BTBD9: variants seen among roughly 807,000 people sequenced by gnomAD.
BTBD9 encodes the protein BTB domain containing 9, also known as BTB/POZ domain-containing protein 9.
A neutral mutation model predicts 64.3 loss-of-function variants in BTBD9; 49 were observed. That is an observed-to-expected ratio of 0.76 (90% CI 0.61 to 0.97). BTBD9 has a LOEUF of 0.97. BTBD9 is among the 50% of genes least tolerant of loss of function. The pLI, the probability that BTBD9 is intolerant of heterozygous loss-of-function variation, is 0.00. For synonymous variants in BTBD9, 260 were observed against 274.7 expected (o/e 0.95, Z 0.53); for missense variants, 598 against 762.1 (o/e 0.78, Z 2.53).
intron 8 of BTBD9, among the ~76,000 whole-genome samples, chr6:38,287,515 ATACT>A: frequency 6.6e-6 from 1 of 152,280 alleles, no homozygotes; most frequent in East Asian, 1.9e-4. Context: ...AGATACACAA[ATACT>A]TACCACTGTG....
intron 1 of BTBD9, among the ~76,000 whole-genome samples, chr6:38,609,551 G>A (rs1777541971): frequency 6.6e-6 from 1 of 151,954 alleles, no homozygotes. Context: ...TACAGTGTGG[G>A]AGAATAAAAT....
At chr6:38,577,227 C>A (rs1356508836) in intron 6 of BTBD9, among the ~76,000 whole-genome samples, 1 of 152,196 alleles carries the variant, frequency 6.6e-6, no homozygotes, top group Non-Finnish European at 1.5e-5. Flanking sequence ...TTTCTCATGG[C>A]TTTCATAAGA....
intron 7 of BTBD9, among the ~76,000 whole-genome samples, chr6:38,318,741 G>T (rs1763120677): frequency 6.6e-6 from 1 of 152,192 alleles, no homozygotes; most frequent in African/African-American, 2.4e-5. Flanking sequence ...ACTGGGTCTT[G>T]CCCAAGGACC....
chr6:38,364,990 G>A (rs1444532932), intron 6 of BTBD9, among the ~76,000 whole-genome samples: 2 of 152,132 alleles, frequency 1.3e-5, no homozygotes, highest in African/African-American at 4.8e-5. Context: ...CAAAGTGCTT[G>A]GGGGAGACTG....
At chr6:38,195,801 C>G (rs1023583054) in intron 9 of BTBD9, among the ~76,000 whole-genome samples, 1 of 152,088 alleles carries the variant, frequency 6.6e-6, no homozygotes, top group Non-Finnish European at 1.5e-5. Flanking sequence ...CACACATGTG[C>G]AGAACTATAC....
At chr6:38,476,288 A>ATCT (rs1381269930) in intron 6 of BTBD9, among the ~76,000 whole-genome samples, 2 of 152,226 alleles carry the variant, frequency 1.3e-5, no homozygotes, top group Non-Finnish European at 2.9e-5. Context: ...GTAAGGCTAC[A>ATCT]TCTTCCCTTC....
rs1358534608 is a variant in BTBD9, at chr6:38,260,968, T to C, written c.1455-4452A>G. Reference sequence around the variant, plus strand: ...TTTTTTTTCTTTGGAAACAGGGTTTTGCTTTGTTGCCCAGGCTGCAGAATG... The same window carrying C: ...TTTTTTTTCTTTGGAAACAGGGTTTCGCTTTGTTGCCCAGGCTGCAGAATG... On this transcript the variant is annotated intron_variant, in intron 8 of 10. Coordinates refer to ENST00000481247, the MANE Select transcript of BTBD9 (RefSeq NM_001099272.2). 2.6e-4 allele frequency among the ~76,000 whole-genome samples: 40 copies of C among 152,190 alleles called. 1 individual carries two copies. The highest frequency in any genetic ancestry group is 2.6e-3 in the Admixed American group (40 of 15,280).
intron 6 of BTBD9, among the ~76,000 whole-genome samples, chr6:38,483,592 G>C (rs1425311272): frequency 6.6e-6 from 1 of 151,936 alleles, no homozygotes. Context: ...GTAGGACATG[G>C]CTCCTGTCTA....
chr6:38,563,573 A>G (rs145834291), intron 6 of BTBD9, among the ~76,000 whole-genome samples: 76 of 152,198 alleles, frequency 5.0e-4, no homozygotes, highest in African/African-American at 1.6e-3. Context: ...TTGATAGACT[A>G]CCACAAGCTC....
chr6:38,616,564 T>C (rs1777798655), intron 1 of BTBD9, among the ~76,000 whole-genome samples: 1 of 152,086 alleles, frequency 6.6e-6, no homozygotes, highest in African/African-American at 2.4e-5. Flanking sequence ...CTGGGTCGGA[T>C]GGGGACTTGG....
intron 6 of BTBD9, among the ~76,000 whole-genome samples, chr6:38,423,073 T>G (rs1009709467): frequency 6.6e-6 from 1 of 152,136 alleles, no homozygotes; most frequent in Admixed American, 6.5e-5. Flanking sequence ...GAGATCAGCA[T>G]GGCCAACATG....
At chr6:38,456,180 G>T (rs1186726935) in intron 6 of BTBD9, among the ~76,000 whole-genome samples, 3 of 151,726 alleles carry the variant, frequency 2.0e-5, no homozygotes, top group Non-Finnish European at 4.4e-5. Context: ...TAGACAGGAG[G>T]TTTCACCATG....
At chr6:38,315,081 C>T (rs527568203) in intron 7 of BTBD9, among the ~76,000 whole-genome samples, 1 of 152,270 alleles carries the variant, frequency 6.6e-6, no homozygotes, top group South Asian at 2.1e-4. Flanking sequence ...ATCTTCTGAC[C>T]TCATGATCCG....
At chr6:38,219,570 G>A (rs1203952970) in intron 9 of BTBD9, among the ~76,000 whole-genome samples, 2 of 152,056 alleles carry the variant, frequency 1.3e-5, no homozygotes, top group Non-Finnish European at 2.9e-5. Flanking sequence ...CCTAGATGCT[G>A]GGTTGTCATG....
At chr6:38,214,486 T>G (rs1273339917) in intron 9 of BTBD9, among the ~76,000 whole-genome samples, 1 of 152,166 alleles carries the variant, frequency 6.6e-6, no homozygotes, top group Non-Finnish European at 1.5e-5. Flanking sequence ...AAAAACCAGA[T>G]GCCAAGACAG....
chr6:38,194,788 C>G (rs1408940383), intron 9 of BTBD9, among the ~76,000 whole-genome samples: 1 of 152,192 alleles, frequency 6.6e-6, no homozygotes, highest in Non-Finnish European at 1.5e-5. Flanking sequence ...CCTCCACTCT[C>G]CTCTCCCTAC....
intron 6 of BTBD9, among the ~76,000 whole-genome samples, chr6:38,423,376 C>T (rs1266336085): frequency 2.0e-5 from 3 of 152,094 alleles, no homozygotes; most frequent in African/African-American, 7.2e-5. Flanking sequence ...ACGATCTCAG[C>T]TCACTGCCAC....
chr6:38,598,873 C>A (rs1229864523), intron 1 of BTBD9, among the ~76,000 whole-genome samples: 1 of 152,024 alleles, frequency 6.6e-6, no homozygotes, highest in Non-Finnish European at 1.5e-5. Flanking sequence ...GTCGAGATGG[C>A]GCCATTGCAC....
chr6:38,193,364 G>C (rs866239602), intron 9 of BTBD9, among the ~76,000 whole-genome samples: 3 of 152,158 alleles, frequency 2.0e-5, no homozygotes, highest in Middle Eastern at 3.2e-3. Flanking sequence ...GCACATGGGG[G>C]TTGTGGCAAG....
Sources: allele counts gnomAD v4.1 joint callset (sites outside exome capture counted in the v4.1 genomes callset), GRCh38; gene constraint gnomAD v4.1.1; transcripts MANE v1.5; gene names NCBI Gene and HGNC (gene_info 2026-07-23, HGNC 2026-07-21).